The following SYNE1 variants were observed in gnomAD, a reference collection of about 807,000 sequenced individuals.
SYNE1 encodes spectrin repeat containing nuclear envelope protein 1.
In SYNE1, 616 loss-of-function variants were observed where a neutral mutation model predicts 1,111.0. The ratio of observed to expected loss-of-function variants is 0.55; its 90% CI spans 0.52 to 0.59. The LOEUF is 0.59. Ranked by LOEUF, SYNE1 falls within the 20% of genes least tolerant of loss-of-function variation. The pLI is 0.00. For missense variants in SYNE1, 10,006 were observed against 10,417.0 expected, an observed-to-expected ratio of 0.96 and a Z score of 1.72; for synonymous variants, 3,855 against 3,825.8, an observed-to-expected ratio of 1.01 and a Z score of -0.28.
In SYNE1 at chr6:152,233,881, T is replaced by C; in HGVS notation, c.20612A>G (p.Lys6871Arg). 6.2e-7 allele frequency: 1 copy of C among 1,614,080 alleles called. No homozygotes were observed. Among genetic ancestry groups the C allele is most frequent in the Non-Finnish European group, 8.5e-7 (1 of 1,179,984 alleles). ...AGAGCGCAGCGTGGCTGTGTCCACC[T>C]TTTTTAGTCGAAGGAGCTGATTTCC... ...STGNQLLRLK[K>R]VDTATLRSEL... is the part of the protein sequence containing the mutation. Residue 6871 changes from lysine to arginine, a missense_variant, in exon 112 of 146, where the codon AAG becomes AGG. Coordinates refer to ENST00000367255, the MANE Select transcript of SYNE1 (RefSeq NM_182961.4).
At chr6:152,255,201 T>C in intron 103 of SYNE1, 112 bp from the exon 104 acceptor site, 1 of 972,408 alleles carries the variant, frequency 1.0e-6, no homozygotes, top group Non-Finnish European at 1.6e-6. Context: ...TTAGTAATAA[T>C]CAGACCTAAG....
intron 11 of SYNE1, among the ~76,000 whole-genome samples, chr6:152,493,173 C>G (rs1034340405): frequency 1.3e-4 from 20 of 152,176 alleles, no homozygotes; most frequent in Middle Eastern, 3.4e-3. Flanking sequence ...AAAATCTAAT[C>G]ATCCTTACCC....
intron 3 of SYNE1, among the ~76,000 whole-genome samples, chr6:152,610,694 C>A (rs1461007576): frequency 6.6e-6 from 1 of 152,082 alleles, no homozygotes; most frequent in Non-Finnish European, 1.5e-5. Context: ...ACATAATTGT[C>A]AGATTCAGCA....
intron 141 of SYNE1, 103 bp downstream of exon 141, chr6:152,136,515 G>A: frequency 1.3e-5 from 18 of 1,400,112 alleles, no homozygotes; most frequent in Non-Finnish European, 1.7e-5. Flanking sequence ...TGACTTTGGG[G>A]AGCAACTGCG....
At chr6:152,559,795 T>A (rs924643267) in intron 3 of SYNE1, among the ~76,000 whole-genome samples, 2 of 151,938 alleles carry the variant, frequency 1.3e-5, no homozygotes, top group Non-Finnish European at 2.9e-5. Context: ...CAGAAATAAA[T>A]GGAATCAAGA....
At chr6:152,145,289 T>C (rs1357315636) in intron 137 of SYNE1, 1 of 636,510 alleles carries the variant, frequency 1.6e-6, no homozygotes, top group Non-Finnish European at 2.8e-6. Flanking sequence ...AGAAGTTACT[T>C]TATTTCGCTC....
At chr6:152,239,778 G>A in intron 107 of SYNE1, 72 bp from the exon 108 acceptor site, 1 of 1,563,322 alleles carries the variant, frequency 6.4e-7, no homozygotes, top group Non-Finnish European at 8.8e-7. Context: ...TTGGTTTAGG[G>A]CCGGGTGCGG....
At chr6:152,569,556 A>G (rs1360938783) in intron 3 of SYNE1, among the ~76,000 whole-genome samples, 3 of 152,220 alleles carry the variant, frequency 2.0e-5, no homozygotes, top group Admixed American at 2.0e-4. Context: ...AAGATAATCA[A>G]TAATTACACT....
chr6:152,343,827 C>G (rs1180589630), intron 74 of SYNE1, among the ~76,000 whole-genome samples: 1 of 152,136 alleles, frequency 6.6e-6, no homozygotes, highest in Non-Finnish European at 1.5e-5. Flanking sequence ...TTTGGCCTCC[C>G]AAAGTGCTGG....
chr6:152,236,656 A>G (rs1178410967), intron 109 of SYNE1, among the ~76,000 whole-genome samples, 161 bp downstream of exon 109: 1 of 152,248 alleles, frequency 6.6e-6, no homozygotes, highest in Admixed American at 6.5e-5. Context: ...GACTTTTAAT[A>G]ATGTCCAACT....
chr6:152,161,741 C>T (rs1162110711), intron 131 of SYNE1, among the ~76,000 whole-genome samples: 1 of 152,084 alleles, frequency 6.6e-6, no homozygotes, highest in East Asian at 1.9e-4. Context: ...TAAAGTATGT[C>T]AACTGGGAGG....
chr6:152,502,097 A>C (rs112854601), intron 10 of SYNE1, among the ~76,000 whole-genome samples: 3 of 152,180 alleles, frequency 2.0e-5, no homozygotes, highest in African/African-American at 7.2e-5. Context: ...AATTTATGAC[A>C]ATTAACATAT....
intron 135 of SYNE1, 125 bp from the exon 136 acceptor site, chr6:152,149,793 T>A (rs1281761192): frequency 1.6e-5 from 13 of 812,378 alleles, no homozygotes; most frequent in Non-Finnish European, 2.2e-5. Flanking sequence ...ATTGACCATA[T>A]ACAATCACAA....
intron 78 of SYNE1, among the ~76,000 whole-genome samples, chr6:152,328,548 G>A (rs1481288689): frequency 6.6e-6 from 1 of 151,534 alleles, no homozygotes. Context: ...TAGGATTACA[G>A]GTATGCACCA....
At chr6:152,481,901 G>A (rs765247628) in intron 14 of SYNE1, among the ~76,000 whole-genome samples, 4 of 151,700 alleles carry the variant, frequency 2.6e-5, no homozygotes, top group Non-Finnish European at 5.9e-5. Flanking sequence ...CACAGATGAA[G>A]AAGACCCCAA....
intron 31 of SYNE1, 119 bp from the exon 32 acceptor site, chr6:152,441,389 C>A (rs764791679): frequency 3.8e-4 from 402 of 1,057,444 alleles, no homozygotes; most frequent in Non-Finnish European, 5.4e-4. Context: ...TTCACACAGT[C>A]ACAATGAATA....
chr6:152,367,772 A>G (rs74723018), intron 61 of SYNE1: 3,921 of 237,070 alleles, frequency 0.017, 168 homozygotes, highest in African/African-American at 0.082. Flanking sequence ...TTCTAAAAAA[A>G]AAATAATCTG....
intron 144 of SYNE1, among the ~76,000 whole-genome samples, 166 bp downstream of exon 144, chr6:152,131,956 C>T (rs1346299271): frequency 5.9e-5 from 9 of 152,078 alleles, no homozygotes; most frequent in Non-Finnish European, 1.0e-4. Context: ...CATTCCTGAG[C>T]GCGTGCTGGG....
intron 57 of SYNE1, 105 bp downstream of exon 57, chr6:152,376,671 T>A (rs2097287643): frequency 6.4e-7 from 1 of 1,558,334 alleles, no homozygotes; most frequent in Non-Finnish European, 8.8e-7. Flanking sequence ...CTTAGTAATA[T>A]ATTTAATGCT....
Sources: gnomAD v4.1 joint callset for allele counts (sites outside exome capture counted in the v4.1 genomes callset) on GRCh38, gnomAD v4.1.1 for gene constraint, MANE v1.5 for transcripts, NCBI Gene and HGNC (gene_info 2026-07-23, HGNC 2026-07-21) for gene names.